Variants in GPC6 observed in about 807,000 individuals in gnomAD.
GPC6 encodes glypican 6.
GPC6 carries 14 observed loss-of-function variants against 55.2 expected under a neutral mutation model. The observed-to-expected ratio is 0.25, with a 90% CI of 0.17 to 0.40. The LOEUF (loss-of-function observed/expected upper bound fraction) is 0.40. Ranked by LOEUF, GPC6 falls within the 10% of genes least tolerant of loss-of-function variation. The pLI is 1.00. For missense variants in GPC6, 641 were observed against 708.5 expected (o/e 0.90, Z 1.08); for synonymous variants, 278 against 259.6 (o/e 1.07, Z -0.68).
intron 2 of GPC6, among the ~76,000 whole-genome samples, chr13:93,630,991 G>T (rs1011431850): frequency 6.6e-6 from 1 of 152,122 alleles, no homozygotes. Context: ...CATGAGAAAA[G>T]AAAATGAGGA....
intron 3 of GPC6, among the ~76,000 whole-genome samples, chr13:94,018,310 G>A (rs964616754): frequency 5.4e-5 from 8 of 148,854 alleles, no homozygotes; most frequent in African/African-American, 2.0e-4. Flanking sequence ...TTTTTTCTGA[G>A]ATGAAGTCTC....
chr13:94,035,167 T>C (rs1165811362), intron 4 of GPC6, among the ~76,000 whole-genome samples: 2 of 152,124 alleles, frequency 1.3e-5, no homozygotes, highest in African/African-American at 4.8e-5. Context: ...TAAAACGTAC[T>C]TGTTTTTAGT....
chr13:94,277,333 CT>C (rs1005513550), intron 4 of GPC6, among the ~76,000 whole-genome samples: 1 of 151,250 alleles, frequency 6.6e-6, no homozygotes, highest in African/African-American at 2.4e-5. Flanking sequence ...GATATTAGAC[CT>C]TTGTCAGATG....
intron 3 of GPC6, among the ~76,000 whole-genome samples, chr13:93,968,988 C>G (rs1317275850): frequency 6.6e-6 from 1 of 152,148 alleles, no homozygotes; most frequent in Non-Finnish European, 1.5e-5. Flanking sequence ...CCACAAAGAT[C>G]CAGGCATCTC....
At chr13:94,093,713 A>G (rs1885571410) in intron 4 of GPC6, among the ~76,000 whole-genome samples, 1 of 152,026 alleles carries the variant, frequency 6.6e-6, no homozygotes, top group African/African-American at 2.4e-5. Flanking sequence ...TGTAACATAT[A>G]TTTTTAATTA....
chr13:93,427,660 A>G (rs1287250730), intron 1 of GPC6, among the ~76,000 whole-genome samples: 1 of 152,134 alleles, frequency 6.6e-6, no homozygotes, highest in Non-Finnish European at 1.5e-5. Flanking sequence ...TATCCTCTTC[A>G]TCTTATTTAT....
chr13:93,359,615 G>A lies in GPC6; in HGVS notation c.160+131999G>A, dbSNP rs1319867567. On this transcript the variant is annotated intron_variant, in intron 1 of 8. Coordinates refer to ENST00000377047, the MANE Select transcript of GPC6 (RefSeq NM_005708.5). ...TTTTCTGGACCTTAAATATAGTTAA[G>A]TATATTTTAAAATGCTTTTGAAACA... Among the ~76,000 whole-genome samples the A allele has an allele frequency of 2.0e-5, 3 of 152,182 alleles. No individual in the cohort carries two copies. The East Asian group carries it at 5.8e-4, about 29-fold the overall frequency.
At chr13:93,541,852 T>G (rs1201089502) in intron 1 of GPC6, among the ~76,000 whole-genome samples, 1 of 151,538 alleles carries the variant, frequency 6.6e-6, no homozygotes, top group East Asian at 2.0e-4. Flanking sequence ...TTCATGTCCT[T>G]TGCCCACTTT....
intron 1 of GPC6, among the ~76,000 whole-genome samples, chr13:93,494,908 G>C (rs1024271956): frequency 4.7e-5 from 7 of 148,250 alleles, no homozygotes; most frequent in African/African-American, 7.5e-5. Flanking sequence ...TGGTCTGATG[G>C]GCTTCCCTTT....
chr13:93,426,959 G>T (rs987135270), intron 1 of GPC6, among the ~76,000 whole-genome samples: 1 of 149,642 alleles, frequency 6.7e-6, no homozygotes, highest in African/African-American at 2.5e-5. Flanking sequence ...ATCTCATTGT[G>T]GTTTTGATTT....
chr13:93,238,785 G>GT (rs35012918), intron 1 of GPC6, among the ~76,000 whole-genome samples: 3 of 151,714 alleles, frequency 2.0e-5, no homozygotes, highest in East Asian at 3.9e-4. Flanking sequence ...TTTCTTGGGG[G>GT]TTTTTTATCA....
chr13:94,240,718 G>T (rs1273725622), intron 4 of GPC6, among the ~76,000 whole-genome samples: 1 of 152,154 alleles, frequency 6.6e-6, no homozygotes. Context: ...ACAGAGCAGT[G>T]AACAGCCTAA....
chr13:93,625,960 T>A (rs1439298604), intron 2 of GPC6, among the ~76,000 whole-genome samples: 1 of 152,200 alleles, frequency 6.6e-6, no homozygotes, highest in Non-Finnish European at 1.5e-5. Flanking sequence ...TTTCTAATAC[T>A]CAAGTACAGT....
At chr13:93,930,483 C>G (rs971482208) in intron 3 of GPC6, among the ~76,000 whole-genome samples, 7 of 151,948 alleles carry the variant, frequency 4.6e-5, no homozygotes, top group African/African-American at 1.7e-4. Context: ...GTTGGCCAGG[C>G]TGGTCTCAAA....
chr13:93,705,454 T>C (rs1384039553), intron 2 of GPC6, among the ~76,000 whole-genome samples: 1 of 151,924 alleles, frequency 6.6e-6, no homozygotes, highest in Non-Finnish European at 1.5e-5. Flanking sequence ...TAAATGTGTT[T>C]TATAAGTGTA....
At chr13:94,121,909 C>T (rs554729629) in intron 4 of GPC6, among the ~76,000 whole-genome samples, 28 of 152,038 alleles carry the variant, frequency 1.8e-4, no homozygotes, top group Non-Finnish European at 3.7e-4. Flanking sequence ...ACCACTCATT[C>T]CATGCTTCAG....
chr13:94,280,691 A>C (rs1300476814), intron 4 of GPC6, among the ~76,000 whole-genome samples: 2 of 151,992 alleles, frequency 1.3e-5, no homozygotes, highest in Non-Finnish European at 2.9e-5. Flanking sequence ...GATTTTTTTA[A>C]ATTCTTTTGT....
rs367676488 is a variant in GPC6, at chr13:93,889,184, T to C, written c.711+58639T>C. ...TGATGTGGGTGGCTTATGAAACATT[T>C]ATATACTCACTGCTCACTTGTTCTT... On this transcript the variant is annotated intron_variant, in intron 3 of 8. Coordinates refer to ENST00000377047, the MANE Select transcript of GPC6 (RefSeq NM_005708.5). Among the ~76,000 whole-genome samples, 6 of 152,236 alleles carry C rather than the reference T, an allele frequency of 3.9e-5. No individual in the cohort carries two copies. In the South Asian group the frequency reaches 1.0e-3, roughly 26 times the overall value.
intron 2 of GPC6, among the ~76,000 whole-genome samples, chr13:93,595,275 T>G (rs1877674068): frequency 1.3e-5 from 2 of 152,166 alleles, no homozygotes; most frequent in Non-Finnish European, 2.9e-5. Context: ...ATTATATGAA[T>G]TACAATTTTT....
Sources: allele counts gnomAD v4.1 joint callset (sites outside exome capture counted in the v4.1 genomes callset), GRCh38; gene constraint gnomAD v4.1.1; transcripts MANE v1.5; gene names NCBI Gene and HGNC (gene_info 2026-07-23, HGNC 2026-07-21).